CYP7B1: variants seen among roughly 807,000 people sequenced by gnomAD.
CYP7B1 encodes the protein cytochrome P450 7B1.
Under a neutral mutation model 42.7 loss-of-function variants are expected in CYP7B1, and 29 were observed. The ratio of observed to expected loss-of-function variants is 0.68; its 90% CI spans 0.51 to 0.93. The LOEUF (loss-of-function observed/expected upper bound fraction) is 0.93. CYP7B1 is among the 40% of genes least tolerant of loss of function. The pLI is 0.00. For missense variants in CYP7B1, 655 were observed against 600.5 expected, an observed-to-expected ratio of 1.09 and a Z score of -0.95; for synonymous variants, 235 against 218.2, an observed-to-expected ratio of 1.08 and a Z score of -0.68.
intron 1 of CYP7B1, among the ~76,000 whole-genome samples, chr8:64,759,548 G>C (rs1421723007): frequency 6.6e-6 from 1 of 152,090 alleles, no homozygotes; most frequent in East Asian, 1.9e-4. Flanking sequence ...ACAAGAACCA[G>C]CAAACAAAGA....
At chr8:64,586,936 G>A (rs181297108), downstream of CYP7B1, among the ~76,000 whole-genome samples, 3 of 152,344 alleles carry the variant, frequency 2.0e-5, no homozygotes, top group African/African-American at 4.8e-5. Flanking sequence ...TAGGTGGAAG[G>A]AGGGAAAGAG....
chr8:64,753,422 T>G (rs890711860), intron 1 of CYP7B1, among the ~76,000 whole-genome samples: 3 of 152,262 alleles, frequency 2.0e-5, no homozygotes, highest in Non-Finnish European at 4.4e-5. Context: ...TAAGCAAGTA[T>G]ATGTAGACGT....
chr8:64,742,844 A>G (rs1320589945), intron 1 of CYP7B1, among the ~76,000 whole-genome samples: 2 of 152,030 alleles, frequency 1.3e-5, no homozygotes, highest in African/African-American at 4.8e-5. Flanking sequence ...TTCCTTTGTA[A>G]CCCTCCATAT....
chr8:64,684,404 A>G (rs952433736), intron 1 of CYP7B1, among the ~76,000 whole-genome samples: 1 of 152,258 alleles, frequency 6.6e-6, no homozygotes, highest in Admixed American at 6.5e-5. Flanking sequence ...CCAGAATTAA[A>G]TGAATTGATA....
chr8:64,741,318 G>T (rs932932921), intron 1 of CYP7B1, among the ~76,000 whole-genome samples: 3 of 152,074 alleles, frequency 2.0e-5, no homozygotes, highest in African/African-American at 7.2e-5. Context: ...AAATCACAGA[G>T]ATTTGAACAT....
intron 1 of CYP7B1, among the ~76,000 whole-genome samples, chr8:64,645,140 T>C (rs1308783376): frequency 2.6e-5 from 4 of 151,078 alleles, no homozygotes; most frequent in Non-Finnish European, 4.4e-5. Context: ...TGTGCCACAT[T>C]TTCTTAATCC....
At chr8:64,590,301 C>A (rs1805017086), downstream of CYP7B1, among the ~76,000 whole-genome samples, 1 of 152,188 alleles carries the variant, frequency 6.6e-6, no homozygotes, top group African/African-American at 2.4e-5. Context: ...CCCAGTGTCC[C>A]AGGAAAATAC....
intron 1 of CYP7B1, among the ~76,000 whole-genome samples, chr8:64,713,244 C>A (rs1464478330): frequency 6.6e-6 from 1 of 152,058 alleles, no homozygotes; most frequent in African/African-American, 2.4e-5. Flanking sequence ...AAAAGCTTAA[C>A]TGCATGCTAG....
At chr8:64,652,982 T>G (rs1386320536) in intron 1 of CYP7B1, among the ~76,000 whole-genome samples, 1 of 152,204 alleles carries the variant, frequency 6.6e-6, no homozygotes, top group Non-Finnish European at 1.5e-5. Flanking sequence ...CCAAAATCTC[T>G]GGGACACAGC....
chr8:64,717,255 AT>A (rs1199070158), intron 1 of CYP7B1, among the ~76,000 whole-genome samples: 2 of 152,022 alleles, frequency 1.3e-5, no homozygotes, highest in East Asian at 3.9e-4. Context: ...GTTACATTCT[AT>A]TTTTTAACTG....
chr8:64,782,188 G>A (rs1804437948), intron 1 of CYP7B1, among the ~76,000 whole-genome samples: 1 of 150,618 alleles, frequency 6.6e-6, no homozygotes, highest in Non-Finnish European at 1.5e-5. Flanking sequence ...GAAAGACTGA[G>A]CTGCAGACGA....
At chr8:64,793,408 T>C (rs1804653411) in intron 1 of CYP7B1, among the ~76,000 whole-genome samples, 1 of 152,194 alleles carries the variant, frequency 6.6e-6, no homozygotes, top group Admixed American at 6.5e-5. Flanking sequence ...ATTGAGCAAG[T>C]AAGGAAAGAA....
chr8:64,632,765 C>T (rs1805715714), intron 1 of CYP7B1, among the ~76,000 whole-genome samples: 1 of 152,046 alleles, frequency 6.6e-6, no homozygotes, highest in South Asian at 2.1e-4. Flanking sequence ...TAGGTGCTTT[C>T]CCATTAAGAT....
intron 5 of CYP7B1, 65 bp downstream of exon 5, chr8:64,604,617 G>A (rs1042821371): frequency 6.3e-7 from 1 of 1,587,470 alleles, no homozygotes; most frequent in Non-Finnish European, 8.6e-7. Context: ...GAAGAGATAG[G>A]GATGGAAGAG....
In CYP7B1 at chr8:64,691,076, C is replaced by T. The variant is rs1806732783; in HGVS notation, c.123-66537G>A. On this transcript the variant is annotated intron_variant, in intron 1 of 5. Coordinates refer to ENST00000310193, the MANE Select transcript of CYP7B1 (RefSeq NM_004820.5). Reference sequence around the variant, plus strand: ...CGGGGAGGAGGTGGTTTAACAATGACAGTGAGGGGAGTCCTACCAATGGCT... The same window carrying T: ...CGGGGAGGAGGTGGTTTAACAATGATAGTGAGGGGAGTCCTACCAATGGCT... Among the ~76,000 whole-genome samples, 5 of 152,120 alleles carry T rather than the reference C, an allele frequency of 3.3e-5. No homozygotes were observed. In the South Asian group the frequency reaches 1.0e-3, roughly 32 times the overall value.
chr8:64,702,598 G>T (rs1806933864), intron 1 of CYP7B1, among the ~76,000 whole-genome samples: 1 of 152,096 alleles, frequency 6.6e-6, no homozygotes, highest in Admixed American at 6.6e-5. Context: ...TGTGTGCAAA[G>T]TTCAACAACT....
intron 1 of CYP7B1, among the ~76,000 whole-genome samples, chr8:64,751,840 G>A (rs1241330829): frequency 2.6e-5 from 4 of 152,070 alleles, no homozygotes; most frequent in Non-Finnish European, 5.9e-5. Flanking sequence ...TCAACAGACC[G>A]TAAACCTGGG....
intron 1 of CYP7B1, among the ~76,000 whole-genome samples, chr8:64,680,572 A>T (rs71521945): frequency 2.0e-5 from 3 of 148,088 alleles, no homozygotes; most frequent in Admixed American, 6.8e-5. Context: ...ATTCACAAAA[A>T]AAAACCACTG....
chr8:64,685,339 T>A (rs1585854212), intron 1 of CYP7B1, among the ~76,000 whole-genome samples: 1 of 128,524 alleles, frequency 7.8e-6, no homozygotes, highest in East Asian at 2.4e-4. Flanking sequence ...GTCTGGGATG[T>A]GAGGAGCCCC....
Sources: allele counts gnomAD v4.1 joint callset (sites outside exome capture counted in the v4.1 genomes callset), GRCh38; gene constraint gnomAD v4.1.1; transcripts MANE v1.5; gene names NCBI Gene and HGNC (gene_info 2026-07-23, HGNC 2026-07-21).